The following CARS2 variants were observed in gnomAD, a reference collection of about 807,000 sequenced individuals.
The protein encoded by CARS2 is cysteinyl-tRNA synthetase 2, mitochondrial.
In CARS2, 52 loss-of-function variants were observed where a neutral mutation model predicts 68.8. That is an observed-to-expected ratio of 0.76 (90% confidence interval 0.61 to 0.95). The LOEUF (loss-of-function observed/expected upper bound fraction) is 0.95. Ranked by LOEUF, CARS2 falls within the 40% of genes least tolerant of loss-of-function variation. The pLI is 0.00. For missense variants in CARS2, 780 were observed against 754.2 expected, an observed-to-expected ratio of 1.03 and a Z score of -0.40; for synonymous variants, 314 against 303.6, an observed-to-expected ratio of 1.03 and a Z score of -0.36.
At chr13:110,644,211 T>G in intron 13 of CARS2, 174 bp downstream of exon 13, 1 of 1,444,014 alleles carries the variant, frequency 6.9e-7, no homozygotes, top group Non-Finnish European at 9.3e-7. Flanking sequence ...GCAATTCCAA[T>G]TAATAAGTAT....
In CARS2 at chr13:110,653,219, G is replaced by T. The variant is rs1438730520; in HGVS notation, c.988-2119C>A. Among the ~76,000 whole-genome samples the T allele has an allele frequency of 1.3e-5, 2 of 150,504 alleles. No homozygotes were observed. Among genetic ancestry groups the T allele is most frequent in the Admixed American group, 6.6e-5 (1 of 15,048 alleles). On this transcript the variant is annotated intron_variant, in intron 9 of 14. Coordinates refer to ENST00000257347, the MANE Select transcript of CARS2 (RefSeq NM_024537.4). This position sits in a 1 kb window ranked among gnomAD's most constrained non-coding sequence, Gnocchi z 5.6. ...GGGGTATGTGTGTGTGTGTGTTTGTGTGTGTGTGTGTGAAGAGCCCCTGTC... is the reference window on the plus strand; with the variant it reads ...GGGGTATGTGTGTGTGTGTGTTTGTTTGTGTGTGTGTGAAGAGCCCCTGTC...
At position 110,705,406 on chromosome 13, in the gene CARS2, G is replaced by A. The variant is rs78589951; in HGVS notation, c.275+115C>T. On this transcript the variant is annotated intron_variant, in intron 2 of 14. Transcript: ENST00000257347. The surrounding 1 kb of genome is among the most constrained non-coding windows in gnomAD (Gnocchi z 4.0). The stretch of plus-strand genomic sequence containing the variant: ...TAACATTTCCCACAATGCCTGGAAT[G>A]TAGGAATTATTCTGCATCCCTAAGT... The A allele has an allele frequency of 9.2e-3, 6,485 of 704,252 alleles. 226 individuals are homozygous for A. Among genetic ancestry groups the A allele is most frequent in the East Asian group, 0.062 (2,282 of 36,922 alleles). The allele number at this position is 704,252 out of a possible 1,614,324, so 43.6% of individuals were successfully genotyped here. A position where few individuals can be genotyped will look rare whatever the true frequency, so the allele number is the denominator to read the frequency against.
chr13:110,650,964 G>C, intron 10 of CARS2, 70 bp downstream of exon 10: 2 of 1,177,754 alleles, frequency 1.7e-6, no homozygotes, highest in Non-Finnish European at 2.5e-6. Flanking sequence ...GCATTTTGCT[G>C]TTTTCAGTCC....
chr13:110,644,197 T>C (rs1254176728), intron 13 of CARS2, 188 bp downstream of exon 13: 6 of 1,468,984 alleles, frequency 4.1e-6, no homozygotes, highest in South Asian at 3.6e-5. Flanking sequence ...AGAAGTAGAA[T>C]TGTGCAATTC....
intron 14 of CARS2, 42 bp from the exon 15 acceptor site, chr13:110,641,650 G>A (rs764377579): frequency 1.4e-5 from 21 of 1,484,138 alleles, no homozygotes; most frequent in Non-Finnish European, 1.7e-5. Flanking sequence ...CAGACACCAC[G>A]TCATGTGGCA....
intron 1 of CARS2, chr13:110,712,719 C>T: frequency 1.4e-6 from 1 of 694,946 alleles, no homozygotes. Context: ...GGCGGCCTTT[C>T]CAAGTGTGGG....
chr13:110,688,106 C>A (rs906165190), intron 3 of CARS2, 88 bp from the exon 4 acceptor site: 58 of 819,126 alleles, frequency 7.1e-5, no homozygotes, highest in Non-Finnish European at 9.4e-5. Context: ...GTGCACAACA[C>A]GACAGCAAAC....
intron 7 of CARS2, among the ~76,000 whole-genome samples, chr13:110,675,779 A>C (rs2062930691): frequency 6.6e-6 from 1 of 152,228 alleles, no homozygotes; most frequent in Non-Finnish European, 1.5e-5. Context: ...GTAACACTGA[A>C]ACGCTAGGAA....
intron 3 of CARS2, among the ~76,000 whole-genome samples, chr13:110,700,612 A>G (rs146411007): frequency 6.6e-6 from 1 of 152,348 alleles, no homozygotes; most frequent in East Asian, 1.9e-4. Flanking sequence ...ATTTTTTAAT[A>G]TGGAATAAAA....
intron 1 of CARS2, chr13:110,712,548 C>G (rs2064042125): frequency 2.5e-5 from 7 of 277,694 alleles, no homozygotes; most frequent in Non-Finnish European, 3.6e-5. Context: ...GGCCGGCGCG[C>G]GGGGCCGGTC....
In CARS2 at chr13:110,665,568, T is replaced by C. The variant is rs2139757858; in HGVS notation, c.919+1772A>G. On this transcript the variant is annotated intron_variant, in intron 8 of 14. Coordinates refer to ENST00000257347, the MANE Select transcript of CARS2 (RefSeq NM_024537.4). The surrounding 1 kb of genome is among the most constrained non-coding windows in gnomAD (Gnocchi z 4.3). ...GTTGGCACAGCTAAGGCTGCCCTTC[T>C]TGCCCCCCAGCTCCACACTCGCAGA... 1 of 985,402 alleles carries C rather than the reference T, an allele frequency of 1.0e-6. No homozygotes were observed. Among genetic ancestry groups the C allele is most frequent in the Non-Finnish European group, 1.2e-6 (1 of 829,968 alleles). 61.0% of individuals were successfully genotyped at this position (985,402 alleles called of 1,614,324 possible). A position where few individuals can be genotyped will look rare whatever the true frequency, so the allele number is the denominator to read the frequency against.
chr13:110,672,173 G>T (rs530499093), intron 7 of CARS2, among the ~76,000 whole-genome samples: 6 of 151,996 alleles, frequency 3.9e-5, no homozygotes, highest in African/African-American at 1.5e-4. Flanking sequence ...GAAAGTTAAC[G>T]AGGATATCCA....
chr13:110,692,411 C>G (rs916150832), intron 3 of CARS2, among the ~76,000 whole-genome samples: 4 of 151,272 alleles, frequency 2.6e-5, no homozygotes, highest in Non-Finnish European at 4.4e-5. Context: ...GCGGAGGTTG[C>G]GGTGAGCTGA....
At chr13:110,672,737 G>C (rs2062835271) in intron 7 of CARS2, among the ~76,000 whole-genome samples, 1 of 152,146 alleles carries the variant, frequency 6.6e-6, no homozygotes. Context: ...GAAGGAGATA[G>C]AGACACAAAA....
intron 3 of CARS2, among the ~76,000 whole-genome samples, chr13:110,691,553 A>C (rs2063459287): frequency 6.6e-6 from 1 of 152,050 alleles, no homozygotes; most frequent in South Asian, 2.1e-4. Context: ...TTTATATTTA[A>C]ATCTCTGACC....
At chr13:110,652,767 A>G (rs2062252193) in intron 9 of CARS2, among the ~76,000 whole-genome samples, 1 of 152,192 alleles carries the variant, frequency 6.6e-6, no homozygotes, top group Non-Finnish European at 1.5e-5. Context: ...CCTGGGGTCC[A>G]CAGACCTCCT....
At chr13:110,690,525 A>G (rs1228745203) in intron 3 of CARS2, among the ~76,000 whole-genome samples, 1 of 152,182 alleles carries the variant, frequency 6.6e-6, no homozygotes, top group Non-Finnish European at 1.5e-5. Flanking sequence ...TGCTGGACAC[A>G]CTGAGCTGCC....
chr13:110,651,336 T>C lies in CARS2; in HGVS notation c.988-236A>G, dbSNP rs1422196799. 8.0e-6 allele frequency: 4 copies of C among 498,386 alleles called. 1 individual carries two copies. Among genetic ancestry groups the C allele is most frequent in the Non-Finnish European group, 1.4e-5 (4 of 279,680 alleles). The allele number at this position is 498,386 out of a possible 1,614,324, so 30.9% of individuals were successfully genotyped here. The stretch of plus-strand genomic sequence containing the variant: ...GGAAAGAGCAAGAAGAGAAAGCCGG[T>C]TTGCACTGAAAATCCGCACCTGCGC... On this transcript the variant is annotated intron_variant, in intron 9 of 14. Transcript: ENST00000257347.
chr13:110,693,831 C>T lies in CARS2; in HGVS notation c.394-5813G>A, dbSNP rs560432162. 9.5e-4 allele frequency among the ~76,000 whole-genome samples: 145 copies of T among 152,136 alleles called. 2 individuals carry two copies. Among genetic ancestry groups the T allele is most frequent in the African/African-American group, 2.6e-3 (107 of 41,512 alleles). On this transcript the variant is annotated intron_variant, in intron 3 of 14. Coordinates refer to ENST00000257347, the MANE Select transcript of CARS2 (RefSeq NM_024537.4). ...TTCGGATTCTCTCAGGTAGCTCTAA[C>T]GATCGTAAATCATTTTAAGTTAGCT...
Sources: allele counts gnomAD v4.1 joint callset (sites outside exome capture counted in the v4.1 genomes callset), GRCh38; gene constraint gnomAD v4.1.1; non-coding constraint Gnocchi (gnomAD v3.1); transcripts MANE v1.5; gene names NCBI Gene and HGNC (gene_info 2026-07-23, HGNC 2026-07-21).